CDH8: variants seen among roughly 807,000 people sequenced by gnomAD.
CDH8 encodes cadherin-8.
A neutral mutation model predicts 68.1 loss-of-function variants in CDH8; 17 were observed. That is an observed-to-expected ratio of 0.25 (90% CI 0.17 to 0.37). The LOEUF is 0.37. Among genes scored for constraint, CDH8 ranks in the 10% least tolerant of loss-of-function variants. The pLI, the probability that CDH8 is intolerant of heterozygous loss-of-function variation, is 1.00. For synonymous variants in CDH8, 372 were observed against 365.1 expected, an observed-to-expected ratio of 1.02 and a Z score of -0.21; for missense variants, 763 against 999.3, an observed-to-expected ratio of 0.76 and a Z score of 3.19.
chr16:61,790,601 A>T (rs1305728263), intron 7 of CDH8, among the ~76,000 whole-genome samples: 1 of 152,058 alleles, frequency 6.6e-6, no homozygotes, highest in Admixed American at 6.6e-5. Context: ...AGCATGGTCC[A>T]TGCCAGTTAG....
At chr16:61,702,265 A>G (rs530350197) in intron 10 of CDH8, among the ~76,000 whole-genome samples, 1,617 of 152,186 alleles carry the variant, frequency 0.011, 23 homozygotes, top group African/African-American at 0.034. Flanking sequence ...CCAGCTACTT[A>G]GGAGGCTGAG....
At position 61,912,720 on chromosome 16, in the gene CDH8, TA is replaced by T. The variant is rs569994373; in HGVS notation, c.253-11248del. ...TGGGCAGGTCACCTACATTTTTTAA[TA>T]TTAATTTCCTTTTATTCAAATGTTA... On this transcript the variant is annotated intron_variant, in intron 2 of 11. Coordinates refer to ENST00000577390, the MANE Select transcript of CDH8 (RefSeq NM_001796.5). 1.1e-4 allele frequency among the ~76,000 whole-genome samples: 17 copies of T among 152,264 alleles called. No homozygotes were observed. The East Asian group carries it at 2.5e-3, about 22-fold the overall frequency.
At chr16:61,709,262 C>T (rs1403318194) in intron 10 of CDH8, among the ~76,000 whole-genome samples, 6 of 152,050 alleles carry the variant, frequency 3.9e-5, no homozygotes, top group East Asian at 1.9e-4. Flanking sequence ...GCCCTCCTTG[C>T]TATGTATATC....
At chr16:61,824,517 C>T (rs548873970) in intron 5 of CDH8, among the ~76,000 whole-genome samples, 1 of 151,974 alleles carries the variant, frequency 6.6e-6, no homozygotes, top group South Asian at 2.1e-4. Context: ...GTTGAAATTT[C>T]CAAGGCAGAG....
At chr16:61,764,731 C>T (rs1005636822) in intron 8 of CDH8, among the ~76,000 whole-genome samples, 1 of 151,950 alleles carries the variant, frequency 6.6e-6, no homozygotes, top group Non-Finnish European at 1.5e-5. Flanking sequence ...ATATTTTACC[C>T]CCCTTCCCTT....
intron 3 of CDH8, among the ~76,000 whole-genome samples, chr16:61,880,220 G>T (rs1828341): frequency 0.026 from 3,969 of 152,174 alleles, 70 homozygotes; most frequent in South Asian, 0.058. Flanking sequence ...CACCGTGCCC[G>T]GCCATATAAT....
chr16:61,741,476 T>C (rs1386986344), intron 8 of CDH8, among the ~76,000 whole-genome samples: 2 of 152,182 alleles, frequency 1.3e-5, no homozygotes, highest in African/African-American at 4.8e-5. Context: ...GAAAATCCCA[T>C]GTTAACTTTT....
intron 2 of CDH8, among the ~76,000 whole-genome samples, chr16:61,924,107 A>T (rs1964418795): frequency 6.6e-6 from 1 of 151,828 alleles, no homozygotes; most frequent in Non-Finnish European, 1.5e-5. Context: ...GAGATCAAAA[A>T]GTTATTCCTT....
chr16:62,015,669 A>G (rs1339098572), intron 2 of CDH8, among the ~76,000 whole-genome samples: 1 of 152,180 alleles, frequency 6.6e-6, no homozygotes, highest in African/African-American at 2.4e-5. Flanking sequence ...CGTATGTTGA[A>G]GTTCTAATCT....
chr16:61,785,315 C>T (rs1180974294), intron 8 of CDH8, among the ~76,000 whole-genome samples: 11 of 104,588 alleles, frequency 1.1e-4, no homozygotes, highest in Admixed American at 5.4e-4. Context: ...AACACCTCTA[C>T]GCAAATAAAC....
chr16:61,778,598 A>C (rs1326441438), intron 8 of CDH8, among the ~76,000 whole-genome samples: 1 of 152,142 alleles, frequency 6.6e-6, no homozygotes, highest in Non-Finnish European at 1.5e-5. Flanking sequence ...AAGAACATAC[A>C]CTATGTCTCC....
intron 3 of CDH8, among the ~76,000 whole-genome samples, chr16:61,861,690 CT>C (rs1296867697): frequency 1.3e-5 from 2 of 152,178 alleles, no homozygotes; most frequent in Non-Finnish European, 2.9e-5. Context: ...CAGAACATTT[CT>C]TTTACATTTC....
At chr16:61,852,376 T>C (rs569300587) in intron 4 of CDH8, among the ~76,000 whole-genome samples, 4 of 152,082 alleles carry the variant, frequency 2.6e-5, no homozygotes, top group Non-Finnish European at 5.9e-5. Context: ...GCAGCACTAG[T>C]AGTACCATCA....
At chr16:61,938,562 G>A (rs1219770941) in intron 2 of CDH8, among the ~76,000 whole-genome samples, 1 of 152,074 alleles carries the variant, frequency 6.6e-6, no homozygotes, top group Non-Finnish European at 1.5e-5. Context: ...TAACACATAT[G>A]GCAAGTAACA....
intron 8 of CDH8, among the ~76,000 whole-genome samples, chr16:61,739,137 A>C (rs1201984052): frequency 6.6e-6 from 1 of 152,068 alleles, no homozygotes; most frequent in Non-Finnish European, 1.5e-5. Flanking sequence ...CCTTAGTGGT[A>C]TTTCCCCCTA....
intron 5 of CDH8, 71 bp from the exon 6 acceptor site, chr16:61,821,184 T>G: frequency 8.0e-7 from 1 of 1,246,210 alleles, no homozygotes; most frequent in African/African-American, 1.5e-5. Context: ...GGCAAATATC[T>G]TTTGGGCACC....
chr16:61,899,458 C>T (rs1276692760), intron 3 of CDH8, among the ~76,000 whole-genome samples: 1 of 151,028 alleles, frequency 6.6e-6, no homozygotes, highest in Non-Finnish European at 1.5e-5. Context: ...ACAGGGGTGA[C>T]CATGAAAGAC....
At chr16:61,790,532 G>T (rs1259707860) in intron 7 of CDH8, among the ~76,000 whole-genome samples, 6 of 151,892 alleles carry the variant, frequency 4.0e-5, no homozygotes, top group Admixed American at 6.6e-5. Flanking sequence ...TGAGGTGATG[G>T]CTTAGGAAGT....
At chr16:61,895,645 T>C (rs561615911) in intron 3 of CDH8, among the ~76,000 whole-genome samples, 1 of 152,336 alleles carries the variant, frequency 6.6e-6, no homozygotes, top group African/African-American at 2.4e-5. Flanking sequence ...TCCCTTTATT[T>C]CAGCCTTCAC....
Sources: gnomAD v4.1 joint callset for allele counts (sites outside exome capture counted in the v4.1 genomes callset) on GRCh38, gnomAD v4.1.1 for gene constraint, MANE v1.5 for transcripts, NCBI Gene and HGNC (gene_info 2026-07-23, HGNC 2026-07-21) for gene names.